The following OR5BS1 variants were observed in gnomAD, a reference collection of about 807,000 sequenced individuals.
OR5BS1 encodes olfactory receptor family 5 subfamily BS member 1, also known as olfactory receptor 5BS1.
the OR5BS1 span, chr12:48,560,007 C>A: frequency 2.5e-6 from 1 of 402,910 alleles, no homozygotes; most frequent in East Asian, 3.6e-5. Flanking sequence ...TACTGGGGAA[C>A]CTGCTGATGG....
chr12:48,560,979 T>C, the OR5BS1 span, among the ~76,000 whole-genome samples: 1 of 152,000 alleles, frequency 6.6e-6, no homozygotes, highest in Non-Finnish European at 1.5e-5. Context: ...CACGTGCACC[T>C]GTAGTCCTAG....
At chr12:48,560,033 C>T in the OR5BS1 span, 1 of 403,082 alleles carries the variant, frequency 2.5e-6, no homozygotes, top group East Asian at 3.5e-5. Flanking sequence ...GTGATCAGTA[C>T]TGATTCCCAC....
the OR5BS1 span, chr12:48,560,145 G>A: frequency 2.5e-6 from 1 of 401,432 alleles, no homozygotes; most frequent in Admixed American, 4.4e-5. Flanking sequence ...TTCTTTCTAA[G>A]GGGGAGACAA....
chr12:48,561,454 A>G, the OR5BS1 span, among the ~76,000 whole-genome samples: 1 of 152,174 alleles, frequency 6.6e-6, no homozygotes, highest in African/African-American at 2.4e-5. Flanking sequence ...CTTTTAGGTA[A>G]AGAACCTGAG....
chr12:48,562,956 G>C, the OR5BS1 span: 2 of 401,250 alleles, frequency 5.0e-6, no homozygotes, highest in Non-Finnish European at 8.8e-6. Context: ...TTCCCTTGTA[G>C]CCCAGCGTCC....
chr12:48,562,173 T>C, the OR5BS1 span, among the ~76,000 whole-genome samples: 1 of 152,232 alleles, frequency 6.6e-6, no homozygotes, highest in Non-Finnish European at 1.5e-5. Flanking sequence ...CAGTTTTGGC[T>C]TCTTTTCCAA....
chr12:48,560,149 G>A, the OR5BS1 span: 33,574 of 401,402 alleles, frequency 0.084, 1,490 homozygotes, highest in Middle Eastern at 0.14. Context: ...TTCTAAGGGG[G>A]AGACAATATC....
At chr12:48,562,523 A>G in the OR5BS1 span, among the ~76,000 whole-genome samples, 46 of 152,298 alleles carry the variant, frequency 3.0e-4, no homozygotes, top group Middle Eastern at 6.8e-3. Context: ...ATTCTGTTCT[A>G]ACCTGCAACA....
the OR5BS1 span, chr12:48,560,461 G>A: frequency 5.7e-5 from 23 of 401,516 alleles, no homozygotes; most frequent in Non-Finnish European, 6.2e-5. Context: ...TGACCCCTGC[G>A]CTAGCATCGT....
chr12:48,562,464 A>G, the OR5BS1 span, among the ~76,000 whole-genome samples: 1 of 152,190 alleles, frequency 6.6e-6, no homozygotes, highest in Non-Finnish European at 1.5e-5. Context: ...GTATGATATT[A>G]TTATTCATTC....
chr12:48,561,032 G>C, the OR5BS1 span, among the ~76,000 whole-genome samples: 1 of 151,562 alleles, frequency 6.6e-6, no homozygotes, highest in Non-Finnish European at 1.5e-5. Flanking sequence ...CAGCCTCGGA[G>C]GCAGAGGTTG....
chr12:48,560,436 C>T, the OR5BS1 span: 1 of 401,550 alleles, frequency 2.5e-6, no homozygotes, highest in Non-Finnish European at 4.4e-6. Flanking sequence ...CTCCGGTGCT[C>T]TTATTGACCT....
chr12:48,560,181 G>C, the OR5BS1 span: 1 of 401,328 alleles, frequency 2.5e-6, no homozygotes. Flanking sequence ...GTTTCACTCA[G>C]ATCTCCCTGG....
chr12:48,560,465 G>A, the OR5BS1 span: 1 of 401,716 alleles, frequency 2.5e-6, no homozygotes. Flanking sequence ...CCCTGCGCTA[G>A]CATCGTCTCC....
At chr12:48,561,951 A>AC in the OR5BS1 span, among the ~76,000 whole-genome samples, 27 of 151,656 alleles carry the variant, frequency 1.8e-4, no homozygotes, top group African/African-American at 6.0e-4. Context: ...TAAAATGACT[A>AC]TTTTTTTTAT....
the OR5BS1 span, among the ~76,000 whole-genome samples, chr12:48,560,895 G>A: frequency 6.6e-6 from 1 of 152,114 alleles, no homozygotes; most frequent in East Asian, 1.9e-4. Context: ...TTGAGCCCAG[G>A]AGTTGGAGAC....
the OR5BS1 span, among the ~76,000 whole-genome samples, chr12:48,562,371 G>A: frequency 2.0e-5 from 3 of 152,184 alleles, no homozygotes; most frequent in South Asian, 2.1e-4. Context: ...CTGTACTGTT[G>A]TGTATAAAGA....
At chr12:48,561,371 A>G in the OR5BS1 span, among the ~76,000 whole-genome samples, 1 of 152,204 alleles carries the variant, frequency 6.6e-6, no homozygotes, top group African/African-American at 2.4e-5. Context: ...GCCATTTACT[A>G]TACACAAGCT....
the OR5BS1 span, chr12:48,562,845 G>A: frequency 2.5e-6 from 1 of 402,152 alleles, no homozygotes; most frequent in South Asian, 1.3e-4. Context: ...TCTCCGTGCA[G>A]TACAGTGTGA....
Sources: gnomAD v4.1 joint callset for allele counts (sites outside exome capture counted in the v4.1 genomes callset) on GRCh38, gnomAD v4.1.1 for gene constraint, MANE v1.5 for transcripts, NCBI Gene and HGNC (gene_info 2026-07-23, HGNC 2026-07-21) for gene names.